The following NSUN7 variants were observed in gnomAD, a reference collection of about 807,000 sequenced individuals.
NSUN7 encodes the protein protein NSUN7.
A neutral mutation model predicts 58.5 loss-of-function variants in NSUN7; 39 were observed. That is an observed-to-expected ratio of 0.67 (90% CI 0.52 to 0.87). The LOEUF is 0.87. Among genes scored for constraint, NSUN7 ranks in the 40% least tolerant of loss-of-function variants. The pLI, the probability that NSUN7 is intolerant of heterozygous loss-of-function variation, is 0.00. For synonymous variants in NSUN7, 278 were observed against 303.7 expected (o/e 0.92, Z 0.88); for missense variants, 765 against 844.1 (o/e 0.91, Z 1.16).
intron 7 of NSUN7, among the ~76,000 whole-genome samples, chr4:40,790,030 A>C (rs186133730): frequency 1.9e-4 from 29 of 151,016 alleles, no homozygotes; most frequent in Admixed American, 1.8e-3. Context: ...CTTGGACTGG[A>C]AACTTATAAG....
chr4:40,753,663 C>T (rs1490910431), intron 2 of NSUN7, among the ~76,000 whole-genome samples: 2 of 152,106 alleles, frequency 1.3e-5, no homozygotes, highest in Non-Finnish European at 2.9e-5. Flanking sequence ...GTATTGTTTA[C>T]TTGTTAAATA....
chr4:40,789,353 A>G (rs1408850231), intron 7 of NSUN7, among the ~76,000 whole-genome samples: 2 of 152,240 alleles, frequency 1.3e-5, no homozygotes, highest in Non-Finnish European at 2.9e-5. Context: ...AATGTAAAGT[A>G]AGACTGATCA....
In NSUN7 at chr4:40,808,160, T is replaced by C. The variant is rs1577592257; in HGVS notation, c.1525-147T>C. 4.7e-6 allele frequency: 4 copies of C among 844,142 alleles called. No homozygotes were observed. In the East Asian group the frequency reaches 8.5e-5, roughly 18 times the overall value. The allele number at this position is 844,142 out of a possible 1,614,324, so 52.3% of individuals were successfully genotyped here. A position where few individuals can be genotyped will look rare whatever the true frequency, so the allele number is the denominator to read the frequency against. On this transcript the variant is annotated intron_variant, in intron 11 of 11. Transcript: ENST00000381782. ...AAGGCATTCGCTGAGGCTTATGAGA[T>C]TGGGGACTAAGGCCTAAAAACTATT... is the stretch of plus-strand genomic sequence containing the variant.
chr4:40,789,541 G>T (rs947007681), intron 7 of NSUN7, among the ~76,000 whole-genome samples: 2 of 119,214 alleles, frequency 1.7e-5, no homozygotes, highest in African/African-American at 6.4e-5. Flanking sequence ...GATATATGTG[G>T]TACTATTTAT....
rs1744216208 is a variant in NSUN7, at chr4:40,810,599, A to AAAG, written c.*1661_*1663dup. The AAAG allele has an allele frequency of 1.3e-5, 2 of 151,556 alleles. No homozygotes were observed. The highest frequency in any genetic ancestry group is 2.9e-5 in the Non-Finnish European group (2 of 67,906). The allele number at this position is 151,556 out of a possible 1,614,324, so 9.4% of individuals were successfully genotyped here. On this transcript the variant is annotated 3_prime_UTR_variant, in exon 12 of 12. Coordinates refer to ENST00000381782, the MANE Select transcript of NSUN7 (RefSeq NM_024677.6). ...CCTCAAAAAAAAAAAAAAAAAAAAA[A>AAAG]AAGTGTCAATGAAGAAAGGAAACAA...
intron 5 of NSUN7, 99 bp downstream of exon 5, chr4:40,774,516 C>A: frequency 1.7e-6 from 2 of 1,171,044 alleles, no homozygotes; most frequent in South Asian, 1.4e-5. Flanking sequence ...GGTGGCACAT[C>A]TAGGGGAGTG....
At chr4:40,765,049 T>C (rs1741649682) in intron 4 of NSUN7, among the ~76,000 whole-genome samples, 1 of 148,432 alleles carries the variant, frequency 6.7e-6, no homozygotes, top group African/African-American at 2.5e-5. Flanking sequence ...ACTCTGATGG[T>C]ATTTTCTTTT....
Position 40,808,317 on chromosome 4 carries a change from C to A in NSUN7, c.1535C>A (p.Ser512Tyr). 6.2e-7 allele frequency: 1 copy of A among 1,611,928 alleles called. No homozygotes were observed. The highest frequency in any genetic ancestry group is 8.5e-7 in the Non-Finnish European group (1 of 1,178,624). Residue 512 changes from serine to tyrosine, a missense_variant, in exon 12 of 12, where the codon TCT (serine) becomes TAT (tyrosine). By Grantham distance (144) the Ser-to-Tyr change is moderately radical. Transcript: ENST00000381782. ...CTTCTTTAATTGCAGCGGGACCCTT[C>A]TGAGACAGTGTCTGTGAATGATGTT... ...LSILTRERDP[S>Y]ETVSVNDVLA...
rs190675865 is a variant in NSUN7, at chr4:40,767,983, G to A, written c.489-6282G>A. 3.8e-3 allele frequency among the ~76,000 whole-genome samples: 578 copies of A among 152,180 alleles called. 2 individuals carry two copies. The highest frequency in any genetic ancestry group is 6.8e-3 in the Non-Finnish European group (464 of 67,990). ...CTCCCATTTCTAAATTCCTGTGAGA[G>A]GAAATTCGATTGCCTCAGTGCAGGT... is the stretch of plus-strand genomic sequence containing the variant. On this transcript the variant is annotated intron_variant, in intron 4 of 11. Coordinates refer to ENST00000381782, the MANE Select transcript of NSUN7 (RefSeq NM_024677.6).
chr4:40,787,338 T>TA (rs952307010), intron 7 of NSUN7, among the ~76,000 whole-genome samples: 6 of 139,170 alleles, frequency 4.3e-5, no homozygotes, highest in African/African-American at 1.6e-4. Flanking sequence ...AAAATAAAAA[T>TA]AAAAAAATAA....
rs531239525 is a variant in NSUN7, at chr4:40,809,382, TCA to T, written c.*444_*445del. ...CCATGCGGTTGTAGTCGTGACTTTCTCAGTCACGATCAAGGGTGATTTTTTCT... is the reference window on the plus strand; with the variant it reads ...CCATGCGGTTGTAGTCGTGACTTTCTGTCACGATCAAGGGTGATTTTTTCT... On this transcript the variant is annotated 3_prime_UTR_variant, in exon 12 of 12. Coordinates refer to ENST00000381782, the MANE Select transcript of NSUN7 (RefSeq NM_024677.6). The T allele has an allele frequency of 2.0e-4, 31 of 154,218 alleles. No homozygotes were observed. The highest frequency in any genetic ancestry group is 3.5e-4 in the Non-Finnish European group (24 of 69,508). 9.6% of individuals were successfully genotyped at this position (154,218 alleles called of 1,614,324 possible).
At chr4:40,799,375 G>T (rs1743479422) in intron 10 of NSUN7, among the ~76,000 whole-genome samples, 1 of 151,670 alleles carries the variant, frequency 6.6e-6, no homozygotes, top group Admixed American at 6.6e-5. Flanking sequence ...AAATGATATG[G>T]CTGGCCTGGT....
Position 40,807,056 on chromosome 4 carries a change from T to C in NSUN7, c.1401-5T>C. On this transcript the variant is annotated splice_polypyrimidine_tract_variant and splice_region_variant and intron_variant, in intron 10 of 11. Transcript: ENST00000381782. ...CTGCTGAATGCTTGTTCCTGTCTGC[T>C]GCAGGCTTAGTCCTCCTGTTCTTCC... 6.4e-7 allele frequency: 1 copy of C among 1,551,064 alleles called. No homozygotes were observed. Among genetic ancestry groups the C allele is most frequent in the Non-Finnish European group, 8.7e-7 (1 of 1,146,678 alleles).
chr4:40,798,265 T>A (rs1743408563), intron 9 of NSUN7, among the ~76,000 whole-genome samples: 1 of 152,222 alleles, frequency 6.6e-6, no homozygotes, highest in African/African-American at 2.4e-5. Context: ...CCTAGAACAG[T>A]GCCTGTCTGG....
At chr4:40,798,765 A>T (rs937489979) in intron 9 of NSUN7, 22 bp from the exon 10 acceptor site, 2 of 1,338,780 alleles carry the variant, frequency 1.5e-6, no homozygotes, top group Non-Finnish European at 2.1e-6. Context: ...TGTTACAGTC[A>T]TTGCATCTTC....
At chr4:40,778,120 G>T (rs1742356753) in intron 7 of NSUN7, among the ~76,000 whole-genome samples, 4 of 152,098 alleles carry the variant, frequency 2.6e-5, no homozygotes, top group Admixed American at 2.6e-4. Context: ...TAGGCCTGAA[G>T]AAAATATCTA....
chr4:40,769,347 A>G (rs567657452), intron 4 of NSUN7, among the ~76,000 whole-genome samples: 44 of 152,364 alleles, frequency 2.9e-4, no homozygotes, highest in African/African-American at 9.6e-4. Flanking sequence ...GTAAACAACT[A>G]GAAAACTGGC....
Position 40,808,770 on chromosome 4 carries a change from C to G in NSUN7, c.1988C>G (p.Pro663Arg). ...LPPVFMPFSSPQGIRSRMPTQ... is the reference protein window; with the variant it reads ...LPPVFMPFSSRQGIRSRMPTQ... ...CCAGTCTTTATGCCATTTTCAAGTC[C>G]CCAAGGGATCAGATCTCGGATGCCA... Residue 663 changes from proline (P) to arginine (R), a missense_variant, in exon 12 of 12, where the codon CCC becomes CGC. By Grantham distance (103) the Pro-to-Arg change is moderately radical. Coordinates refer to ENST00000381782, the MANE Select transcript of NSUN7 (RefSeq NM_024677.6). 1 of 1,549,524 alleles carries G rather than the reference C, an allele frequency of 6.5e-7. No homozygotes were observed. The highest frequency in any genetic ancestry group is 8.7e-7 in the Non-Finnish European group (1 of 1,146,550).
Position 40,791,691 on chromosome 4 carries a change from C to T in NSUN7, c.1180+946C>T, listed in dbSNP as rs533744189. Reference sequence around the variant, plus strand: ...AATATTAGAAAAAGAAGACACCCCACAAATGTACAGAATATAGTAACTGTT... The same window carrying T: ...AATATTAGAAAAAGAAGACACCCCATAAATGTACAGAATATAGTAACTGTT... On this transcript the variant is annotated intron_variant, in intron 8 of 11. Transcript: ENST00000381782. Among the ~76,000 whole-genome samples, 11 of 152,242 alleles carry T rather than the reference C, an allele frequency of 7.2e-5. No homozygotes were observed. In the East Asian group the frequency reaches 1.3e-3, roughly 19 times the overall value.
Sources: allele counts gnomAD v4.1 joint callset (sites outside exome capture counted in the v4.1 genomes callset), GRCh38; gene constraint gnomAD v4.1.1; transcripts MANE v1.5; gene names NCBI Gene and HGNC (gene_info 2026-07-23, HGNC 2026-07-21).